The following ERCC6L2 variants were observed in gnomAD, a reference collection of about 807,000 sequenced individuals.
ERCC6L2 encodes the protein DNA excision repair protein ERCC-6-like 2.
Under a neutral mutation model 132.0 loss-of-function variants are expected in ERCC6L2, and 77 were observed. The observed-to-expected ratio is 0.58, with a 90% CI of 0.49 to 0.71. ERCC6L2 has a LOEUF of 0.71. Among genes scored for constraint, ERCC6L2 ranks in the 30% least tolerant of loss-of-function variants. The probability of loss-of-function intolerance (pLI) is 0.00; values close to 1 mark genes in which losing one functional copy is unlikely to be tolerated. For synonymous variants in ERCC6L2, 583 were observed against 632.4 expected, an observed-to-expected ratio of 0.92 and a Z score of 1.17; for missense variants, 1,542 against 1,837.6, an observed-to-expected ratio of 0.84 and a Z score of 2.94.
chr9:96,025,801 C>G (rs945943864), intron 19 of ERCC6L2: 1 of 152,162 alleles, frequency 6.6e-6, no homozygotes, highest in Non-Finnish European at 1.5e-5. Context: ...AGGAACTGTG[C>G]GCGGTGTTAA....
intron 18 of ERCC6L2, among the ~76,000 whole-genome samples, chr9:96,010,500 C>A (rs1037799771): frequency 2.6e-5 from 4 of 152,150 alleles, no homozygotes; most frequent in Non-Finnish European, 5.9e-5. Context: ...CCTACGGACC[C>A]CCTATGATTT....
intron 12 of ERCC6L2, among the ~76,000 whole-genome samples, chr9:95,943,954 ATGG>A (rs1830929565): frequency 6.6e-6 from 1 of 152,226 alleles, no homozygotes; most frequent in African/African-American, 2.4e-5. Context: ...GGAAAACAGC[ATGG>A]TGGTTCCTCA....
intron 4 of ERCC6L2, among the ~76,000 whole-genome samples, chr9:95,911,528 G>T (rs922465936): frequency 3.9e-5 from 6 of 151,928 alleles, no homozygotes; most frequent in African/African-American, 1.4e-4. Context: ...GAATGTTTAT[G>T]ATTTTATATT....
intron 4 of ERCC6L2, among the ~76,000 whole-genome samples, chr9:95,915,427 A>T (rs1388588638): frequency 6.6e-6 from 1 of 152,064 alleles, no homozygotes; most frequent in Non-Finnish European, 1.5e-5. Flanking sequence ...TTTAAATGAA[A>T]TTTTTCTTTT....
chr9:95,993,624 C>G (rs1335386278), intron 17 of ERCC6L2, among the ~76,000 whole-genome samples: 2 of 152,180 alleles, frequency 1.3e-5, no homozygotes, highest in African/African-American at 4.8e-5. Flanking sequence ...CAAGCAGCTT[C>G]TATCAGATTT....
intron 12 of ERCC6L2, among the ~76,000 whole-genome samples, chr9:95,944,040 G>A (rs1424197489): frequency 6.6e-6 from 1 of 152,170 alleles, no homozygotes; most frequent in Non-Finnish European, 1.5e-5. Flanking sequence ...AAAAAGAATT[G>A]AAAGCAGAGA....
At chr9:95,907,415 G>C (rs992081453) in intron 4 of ERCC6L2, 144 bp downstream of exon 4, 6 of 621,234 alleles carry the variant, frequency 9.7e-6, no homozygotes, top group Non-Finnish European at 1.5e-5. Context: ...ACGTTGCCCA[G>C]GCTGGTCTCG....
chr9:96,025,684 A>G (rs981535376), intron 19 of ERCC6L2: 1 of 152,208 alleles, frequency 6.6e-6, no homozygotes, highest in Non-Finnish European at 1.5e-5. Context: ...TGCAGTATTA[A>G]TCATTGTTGA....
chr9:95,890,187 A>G (rs185329209), intron 2 of ERCC6L2, among the ~76,000 whole-genome samples: 4 of 152,308 alleles, frequency 2.6e-5, no homozygotes, highest in East Asian at 1.9e-4. Context: ...CACCTAGACT[A>G]TTCCAGCATC....
chr9:95,940,480 G>T (rs1830746871), intron 11 of ERCC6L2, among the ~76,000 whole-genome samples: 1 of 152,114 alleles, frequency 6.6e-6, no homozygotes, highest in Non-Finnish European at 1.5e-5. Flanking sequence ...TTCAGATTTT[G>T]TGTGACTCAT....
chr9:95,971,934 C>T lies in ERCC6L2; in HGVS notation c.2183C>T (p.Pro728Leu), dbSNP rs1480463061. 3 of 1,293,144 alleles carry T rather than the reference C, an allele frequency of 2.3e-6. No individual in the cohort carries two copies. Among genetic ancestry groups the T allele is most frequent in the Non-Finnish European group, 3.1e-6 (3 of 982,442 alleles). 80.1% of individuals were successfully genotyped at this position (1,293,144 alleles called of 1,614,324 possible). ...TTTTTGTCATTGTTTCTCCTATAGC[C>T]TAGACAGCCTGACTGTCAGGAATGC... ...EGPPAHKLEM[P>L]RQPDCQECRG... The change falls in exon 16 of 19, where the codon CCT becomes CTT. Residue 728 changes from proline (P) to leucine (L), a missense_variant and splice_region_variant. Physicochemically the swap from Pro to Leu is moderately conservative, Grantham distance 98. Around this residue, in one of 4 missense-constraint regions of ERCC6L2, gnomAD observed 945 missense variants for 1,105.2 expected, o/e 0.86. Transcript: ENST00000653738.
At chr9:95,946,036 A>G (rs1831047604) in intron 12 of ERCC6L2, among the ~76,000 whole-genome samples, 1 of 152,232 alleles carries the variant, frequency 6.6e-6, no homozygotes, top group Non-Finnish European at 1.5e-5. Flanking sequence ...AGATGGTAAC[A>G]AAAATTAAGA....
chr9:96,014,973 T>C lies in ERCC6L2; in HGVS notation c.*1770T>C, dbSNP rs576739370. On this transcript the variant is annotated 3_prime_UTR_variant, in exon 19 of 19. Coordinates refer to ENST00000653738, the MANE Select transcript of ERCC6L2 (RefSeq NM_020207.7). ...CATTTTAATACCTTGTAAATTATGA[T>C]ATTCATATAAATATTAGCTCTATAG... Among the ~76,000 whole-genome samples the C allele has an allele frequency of 6.6e-6, 1 of 151,240 alleles. No individual in the cohort carries two copies. Among genetic ancestry groups the C allele is most frequent in the East Asian group, 1.9e-4 (1 of 5,148 alleles).
At position 96,014,191 on chromosome 9, in the gene ERCC6L2, A is replaced by C. The variant is rs1303928039; in HGVS notation, c.*988A>C. On this transcript the variant is annotated 3_prime_UTR_variant, in exon 19 of 19. Transcript: ENST00000653738. ...GGAAAGCCCCTGGCATCACATGTGC[A>C]TGCTGTAGGCAGGACCTGAGCTGCC... The C allele has an allele frequency of 6.6e-6, 1 of 152,378 alleles. No individual in the cohort carries two copies. The highest frequency in any genetic ancestry group is 1.9e-4 in the East Asian group (1 of 5,182). The allele number at this position is 152,378 out of a possible 1,614,324, so 9.4% of individuals were successfully genotyped here. A position where few individuals can be genotyped will look rare whatever the true frequency, so the allele number is the denominator to read the frequency against.
At chr9:95,947,534 A>G (rs573769676) in intron 12 of ERCC6L2, among the ~76,000 whole-genome samples, 70 of 152,342 alleles carry the variant, frequency 4.6e-4, no homozygotes, top group Admixed American at 4.0e-3. Flanking sequence ...TCTAGCTAAG[A>G]TCATTGTTGA....
At chr9:95,990,234 T>C (rs1307315887) in intron 17 of ERCC6L2, among the ~76,000 whole-genome samples, 1 of 152,214 alleles carries the variant, frequency 6.6e-6, no homozygotes. Flanking sequence ...CTATTATATT[T>C]GCACTCAACA....
At chr9:95,888,693 A>G (rs1828003165) in intron 2 of ERCC6L2, among the ~76,000 whole-genome samples, 2 of 152,146 alleles carry the variant, frequency 1.3e-5, no homozygotes, top group African/African-American at 4.8e-5. Flanking sequence ...CAGAGACTGC[A>G]TTTCCCAAAT....
chr9:95,938,463 C>T (rs1230863712), intron 11 of ERCC6L2, among the ~76,000 whole-genome samples: 1 of 152,010 alleles, frequency 6.6e-6, no homozygotes, highest in African/African-American at 2.4e-5. Context: ...TATAATTGTG[C>T]ATTTGCCTGT....
chr9:95,941,325 C>T, intron 11 of ERCC6L2, 129 bp from the exon 12 acceptor site: 1 of 568,020 alleles, frequency 1.8e-6, no homozygotes, highest in Non-Finnish European at 3.1e-6. Flanking sequence ...TTTTAATCAC[C>T]ACCTTACTTT....
Sources: gnomAD v4.1 joint callset for allele counts (sites outside exome capture counted in the v4.1 genomes callset) on GRCh38, gnomAD v4.1.1 for gene constraint, gnomAD v4.1.1 regional missense constraint, MANE v1.5 for transcripts, NCBI Gene and HGNC (gene_info 2026-07-23, HGNC 2026-07-21) for gene names.